HDAC8: variants seen among roughly 807,000 people sequenced by gnomAD.
HDAC8 encodes histone deacetylase-like 1.
A neutral mutation model predicts 32.2 loss-of-function variants in HDAC8; 1 was observed. The ratio of observed to expected loss-of-function variants is 0.03; its 90% CI spans 0.01 to 0.15. The LOEUF is 0.15. HDAC8 is among the 10% of genes least tolerant of loss of function. HDAC8 has a pLI of 1.00. For missense variants in HDAC8, 117 were observed against 300.0 expected (o/e 0.39, Z 4.51); for synonymous variants, 108 against 113.9 (o/e 0.95, Z 0.33).
chrX:72,456,435 G>T (rs2047718841), intron 9 of HDAC8, among the ~76,000 whole-genome samples: 1 of 111,693 alleles, frequency 9.0e-6, no homozygotes, highest in Non-Finnish European at 1.9e-5. Flanking sequence ...GAAGAACGCT[G>T]CTGTAAAGGT....
chrX:72,467,843 G>A (rs879993518), intron 7 of HDAC8: 25 of 704,715 alleles, frequency 3.5e-5, no homozygotes, highest in South Asian at 2.9e-4. Flanking sequence ...AGAATTGATC[G>A]GGTAATACAG....
intron 4 of HDAC8, among the ~76,000 whole-genome samples, chrX:72,547,196 G>A (rs1250275453): frequency 9.0e-6 from 1 of 111,247 alleles, no homozygotes; most frequent in Non-Finnish European, 1.9e-5. Context: ...TGTCAAATAC[G>A]ATTCACACTT....
intron 4 of HDAC8, among the ~76,000 whole-genome samples, chrX:72,512,051 G>A (rs1048069315): frequency 1.8e-5 from 2 of 111,871 alleles, no homozygotes; most frequent in Non-Finnish European, 3.8e-5. Context: ...ATACTTTATA[G>A]AAAGGGAAAT....
chrX:72,459,966 G>A (rs1460071651), intron 9 of HDAC8, among the ~76,000 whole-genome samples: 3 of 111,607 alleles, frequency 2.7e-5, no homozygotes, highest in Non-Finnish European at 5.6e-5. Context: ...CTGTAAGACT[G>A]TCATTTCAAT....
At chrX:72,525,120 C>T (rs1418785147) in intron 4 of HDAC8, among the ~76,000 whole-genome samples, 1 of 112,327 alleles carries the variant, frequency 8.9e-6, no homozygotes, top group East Asian at 2.8e-4. Flanking sequence ...AGCAGTAATG[C>T]TGTCTTGCCC....
At chrX:72,351,415 A>G (rs2044176990) in intron 10 of HDAC8, 1 of 260,304 alleles carries the variant, frequency 3.8e-6, no homozygotes, top group Non-Finnish European at 6.8e-6. Flanking sequence ...TTCTCATCTT[A>G]AAGAGTGCTT....
chrX:72,369,207 A>G (rs1313810373), intron 9 of HDAC8, among the ~76,000 whole-genome samples: 1 of 109,205 alleles, frequency 9.2e-6, no homozygotes, highest in Non-Finnish European at 1.9e-5. Flanking sequence ...AAATGCATCC[A>G]CTACCAGAGA....
chrX:72,345,884 A>T (rs2044014213), intron 10 of HDAC8, among the ~76,000 whole-genome samples: 1 of 110,686 alleles, frequency 9.0e-6, no homozygotes, highest in Non-Finnish European at 1.9e-5. Flanking sequence ...GGGTTTCACC[A>T]TGTTGTCCAG....
At chrX:72,517,091 A>G (rs1278130035) in intron 4 of HDAC8, among the ~76,000 whole-genome samples, 1 of 112,395 alleles carries the variant, frequency 8.9e-6, no homozygotes, top group Non-Finnish European at 1.9e-5. Context: ...CTTCATGTAC[A>G]TTTGTTATTA....
At chrX:72,453,558 T>C (rs1304642107) in intron 9 of HDAC8, among the ~76,000 whole-genome samples, 5 of 110,635 alleles carry the variant, frequency 4.5e-5, no homozygotes, top group African/African-American at 1.3e-4. Context: ...CAGTGAATGA[T>C]GCATGAAACT....
At chrX:72,362,166 A>T (rs949521224) in intron 9 of HDAC8, among the ~76,000 whole-genome samples, 8 of 111,266 alleles carry the variant, frequency 7.2e-5, no homozygotes, top group Admixed American at 1.9e-4. Flanking sequence ...TGTTTGGGTC[A>T]TGGGTGCGGA....
chrX:72,473,627 G>C, intron 7 of HDAC8: 1 of 724,689 alleles, frequency 1.4e-6, no homozygotes, highest in Non-Finnish European at 1.6e-6. Context: ...CAGGCATCCA[G>C]GCACCAGAGT....
intron 9 of HDAC8, among the ~76,000 whole-genome samples, chrX:72,413,121 T>TA (rs1555970728): frequency 9.0e-6 from 1 of 110,939 alleles, no homozygotes; most frequent in Non-Finnish European, 1.9e-5. Flanking sequence ...GGTTTTTTTT[T>TA]TTATTATTAT....
At chrX:72,361,978 A>C (rs1341749662) in intron 9 of HDAC8, among the ~76,000 whole-genome samples, 2 of 111,854 alleles carry the variant, frequency 1.8e-5, no homozygotes, top group Non-Finnish European at 3.8e-5. Context: ...TTCCCATTTT[A>C]TAGGCTTCCA....
chrX:72,365,090 T>G (rs57209260), intron 9 of HDAC8, among the ~76,000 whole-genome samples: 8,236 of 111,588 alleles, frequency 0.074, 598 homozygotes, highest in East Asian at 0.23. Flanking sequence ...GTATTTTGTA[T>G]TTTGAATTTT....
At chrX:72,555,393 CA>C (rs2051249687) in intron 4 of HDAC8, among the ~76,000 whole-genome samples, 1 of 111,699 alleles carries the variant, frequency 9.0e-6, no homozygotes, top group Admixed American at 9.5e-5. Context: ...GGATCCAAAC[CA>C]AGACAAAAAT....
intron 9 of HDAC8, among the ~76,000 whole-genome samples, chrX:72,411,095 G>A (rs1602724364): frequency 4.0e-5 from 4 of 100,678 alleles, no homozygotes; most frequent in Admixed American, 1.1e-4. Flanking sequence ...GTGCAATCTC[G>A]GCTCACTGCA....
chrX:72,435,525 AAC>A (rs1295394318), intron 9 of HDAC8, among the ~76,000 whole-genome samples: 4 of 112,261 alleles, frequency 3.6e-5, no homozygotes, highest in Non-Finnish European at 5.6e-5. Flanking sequence ...GCACACTAGA[AAC>A]ACAATGAAAA....
At chrX:72,409,727 G>A (rs782298307) in intron 9 of HDAC8, among the ~76,000 whole-genome samples, 7 of 112,254 alleles carry the variant, frequency 6.2e-5, no homozygotes, top group Non-Finnish European at 3.8e-5. Flanking sequence ...AATAGGATTT[G>A]TGGCTACTTT....
Sources: allele counts gnomAD v4.1 joint callset (sites outside exome capture counted in the v4.1 genomes callset), GRCh38; gene constraint gnomAD v4.1.1; transcripts MANE v1.5; gene names NCBI Gene and HGNC (gene_info 2026-07-23, HGNC 2026-07-21).